ZWINT: variants seen among roughly 807,000 people sequenced by gnomAD.
ZWINT encodes the protein ZW10 interacting kinetochore protein.
ZWINT carries 41 observed loss-of-function variants against 41.5 expected under a neutral mutation model. The observed-to-expected ratio is 0.99, with a 90% CI of 0.77 to 1.28. The LOEUF is 1.28. ZWINT is among the 50% of genes most tolerant of loss of function. ZWINT has a pLI of 0.00. For missense variants in ZWINT, 369 were observed against 329.7 expected (o/e 1.12, Z -0.92); for synonymous variants, 132 against 126.8 (o/e 1.04, Z -0.28).
rs747952737 is a variant in ZWINT at position 56,361,148 on chromosome 10, G to C, written c.41+48C>G. 4.4e-6 allele frequency: 7 copies of C among 1,608,666 alleles called. 1 individual carries two copies. The South Asian group carries it at 4.4e-5, about 10-fold the overall frequency. ...AATCATTACACATAGGGGCCCACAA[G>C]GTCCTCCCAGGCCCGGCCCCAGCTG... is the stretch of plus-strand genomic sequence containing the variant. On this transcript the variant is annotated intron_variant, in intron 1 of 8. Coordinates refer to ENST00000373944, the MANE Select transcript of ZWINT (RefSeq NM_007057.4).
Position 56,357,729 on chromosome 10 carries a change from T to G in ZWINT, c.*498A>C. 4.1e-6 allele frequency: 1 copy of G among 241,022 alleles called. No individual in the cohort carries two copies. The highest frequency in any genetic ancestry group is 4.9e-5 in the South Asian group (1 of 20,450). The allele number at this position is 241,022 out of a possible 1,614,324, so 14.9% of individuals were successfully genotyped here. ...AAAAAGATACCAAGAATGTTAACAC[T>G]AGGCTGTACATCCTAAAACAGTCAG... On this transcript the variant is annotated 3_prime_UTR_variant, in exon 9 of 9. Transcript: ENST00000373944.
intron 1 of ZWINT, 119 bp from the exon 2 acceptor site, chr10:56,360,502 G>A (rs1432492134): frequency 1.2e-6 from 1 of 847,054 alleles, no homozygotes; most frequent in Non-Finnish European, 1.8e-6. Flanking sequence ...TGAGAGTCTT[G>A]CCTTGACCAG....
chr10:56,360,131 T>C lies in ZWINT; in HGVS notation c.143A>G (p.Lys48Arg). 1 of 1,614,092 alleles carries C rather than the reference T, an allele frequency of 6.2e-7. No homozygotes were observed. The highest frequency in any genetic ancestry group is 8.5e-7 in the Non-Finnish European group (1 of 1,180,046). ...ILVEFVVDSQKKDKLLCSQLQ... is the reference protein window; with the variant it reads ...ILVEFVVDSQRKDKLLCSQLQ... ...CTGGCTGCAGAGCAGCTTGTCTTTC[T>C]TCTGAGAGTCCTGCTCAGAGGGAGG... is the stretch of plus-strand genomic sequence containing the variant. Residue 48 changes from lysine to arginine, a missense_variant, in exon 3 of 9, where the codon AAG becomes AGG. Transcript: ENST00000373944.
intron 3 of ZWINT, 29 bp from the exon 4 acceptor site, chr10:56,359,882 TGA>T (rs1838280489): frequency 1.9e-6 from 3 of 1,610,626 alleles, no homozygotes; most frequent in Middle Eastern, 1.7e-4. Context: ...AATGAGTACA[TGA>T]GTGAGGGTGG....
rs892300649 is a variant in ZWINT, at chr10:56,357,785, G to C, written c.*442C>G. On this transcript the variant is annotated 3_prime_UTR_variant, in exon 9 of 9. Transcript: ENST00000373944. The stretch of plus-strand genomic sequence containing the variant: ...CTCACTGTTATAATTCTGGTTCACC[G>C]CAAGAACCTTAGCACAAAGAAAGGA... 1.2e-5 allele frequency: 4 copies of C among 329,480 alleles called. No homozygotes were observed. The highest frequency in any genetic ancestry group is 2.4e-5 in the Non-Finnish European group (4 of 169,024). 20.4% of individuals were successfully genotyped at this position (329,480 alleles called of 1,614,324 possible).
At position 56,358,821 on chromosome 10, in the gene ZWINT, G is replaced by A. The variant is rs146582472; in HGVS notation, c.607C>T (p.Arg203Trp). Residue 203 changes from arginine to tryptophan, a missense_variant, in exon 6 of 9, where the codon CGG (arginine) becomes TGG (tryptophan). Coordinates refer to ENST00000373944, the MANE Select transcript of ZWINT (RefSeq NM_007057.4). ...CGAACTTACCTCTGCAGCTTGTCCC[G>A]CTCCTGTTCTGCCTGCTGCTTCAGG... ...GNLKQQAEQERDKLQRYQTFL... is the reference protein window; with the variant it reads ...GNLKQQAEQEWDKLQRYQTFL... 573 of 1,613,982 alleles carry A rather than the reference G, an allele frequency of 3.6e-4. 1 individual carries two copies. In the African/African-American group the frequency reaches 6.2e-3, roughly 18 times the overall value.
Position 56,357,389 on chromosome 10 carries a change from T to C in ZWINT, c.*838A>G, listed in dbSNP as rs561644898. The C allele has an allele frequency of 2.6e-5, 4 of 152,228 alleles. No individual in the cohort carries two copies. Among genetic ancestry groups the C allele is most frequent in the African/African-American group, 7.2e-5 (3 of 41,542 alleles). The allele number at this position is 152,228 out of a possible 1,614,324, so 9.4% of individuals were successfully genotyped here. A position where few individuals can be genotyped will look rare whatever the true frequency, so the allele number is the denominator to read the frequency against. On this transcript the variant is annotated 3_prime_UTR_variant, in exon 9 of 9. Coordinates refer to ENST00000373944, the MANE Select transcript of ZWINT (RefSeq NM_007057.4). ...TCAATGAAATAATTATAACAGAATATAGGAAATGCTATGAATTGAATGATT... is the reference window on the plus strand; with the variant it reads ...TCAATGAAATAATTATAACAGAATACAGGAAATGCTATGAATTGAATGATT...
intron 1 of ZWINT, among the ~76,000 whole-genome samples, chr10:56,360,708 G>A (rs2132106037): frequency 6.6e-6 from 1 of 152,356 alleles, no homozygotes; most frequent in Non-Finnish European, 1.5e-5. Context: ...AAGGAAGCCA[G>A]GGAGATATGC....
chr10:56,361,058 G>T, intron 1 of ZWINT, 138 bp downstream of exon 1: 2 of 905,870 alleles, frequency 2.2e-6, no homozygotes, highest in South Asian at 3.3e-5. Context: ...CCTAAGACGG[G>T]ACTGCGGTGA....
rs1375165802 is a variant in ZWINT, at chr10:56,358,656, T to A, written c.692A>T (p.Glu231Val). The A allele has an allele frequency of 6.2e-7, 1 of 1,613,684 alleles. No homozygotes were observed. The highest frequency in any genetic ancestry group is 1.1e-5 in the South Asian group (1 of 91,046). Reference sequence around the variant, plus strand: ...TTTATCATCTGGAAGATTCTCTGCCTCAGCCTCAGCCTCAGGGAACAACAG... The same window carrying A: ...TTTATCATCTGGAAGATTCTCTGCCACAGCCTCAGCCTCAGGGAACAACAG... ...GKLLFPEAEAEAENLPDDKPQ... is the reference protein window; with the variant it reads ...GKLLFPEAEAVAENLPDDKPQ... Residue 231 changes from glutamate (E) to valine (V), a missense_variant, in exon 7 of 9, where the codon GAG (glutamate) becomes GTG (valine). Transcript: ENST00000373944.
intron 1 of ZWINT, among the ~76,000 whole-genome samples, chr10:56,360,855 A>G (rs1838315381): frequency 6.6e-6 from 1 of 152,224 alleles, no homozygotes. Flanking sequence ...GTTTTTCATT[A>G]TTAGGGACTG....
intron 1 of ZWINT, 85 bp downstream of exon 1, chr10:56,361,111 G>A: frequency 6.7e-7 from 1 of 1,485,096 alleles, no homozygotes; most frequent in South Asian, 1.2e-5. Context: ...GCTGTACAGG[G>A]TCGAGGGCAC....
chr10:56,361,104 G>A, intron 1 of ZWINT, 92 bp downstream of exon 1: 15 of 1,440,710 alleles, frequency 1.0e-5, no homozygotes, highest in Admixed American at 1.9e-5. Flanking sequence ...CTCAACAGCT[G>A]TACAGGGTCG....
At chr10:56,359,393 A>G (rs1838260695) in intron 5 of ZWINT, 83 bp downstream of exon 5, 23 of 1,370,518 alleles carry the variant, frequency 1.7e-5, no homozygotes, top group Middle Eastern at 3.8e-4. Flanking sequence ...AGGAGGAAGC[A>G]AAACGGTTTT....
chr10:56,360,167 G>T, intron 2 of ZWINT, 26 bp from the exon 3 acceptor site: 1 of 1,613,348 alleles, frequency 6.2e-7, no homozygotes. Context: ...GCAGAGACAG[G>T]GAACATCCTT....
chr10:56,358,939 A>C lies in ZWINT; in HGVS notation c.489T>G (p.His163Gln), dbSNP rs149226838. Residue 163 changes from histidine (H) to glutamine (Q), a missense_variant, in exon 6 of 9, where the codon CAT (histidine) becomes CAG (glutamine). Physicochemically the swap from His to Gln is conservative, Grantham distance 24. Coordinates refer to ENST00000373944, the MANE Select transcript of ZWINT (RefSeq NM_007057.4). ...CAGAAACCTCCGCCAGATGCTGCAG[A>C]TGCTTCTCCTGCCAGGAGTGAGCAT... ...QNQWQLQQEKHLQHLAEVSAE... is the reference protein window; with the variant it reads ...QNQWQLQQEKQLQHLAEVSAE... 135 of 1,613,924 alleles carry C rather than the reference A, an allele frequency of 8.4e-5. No individual in the cohort carries two copies. Among genetic ancestry groups the C allele is most frequent in the Non-Finnish European group, 1.1e-4 (130 of 1,179,996 alleles).
chr10:56,361,070 G>C, intron 1 of ZWINT, 126 bp downstream of exon 1: 1 of 1,036,082 alleles, frequency 9.7e-7, no homozygotes, highest in Non-Finnish European at 1.4e-6. Flanking sequence ...CTGCGGTGAG[G>C]ATCACTTCAC....
rs746882433 is a variant in ZWINT, at chr10:56,357,328, T to C, written c.*899A>G. On this transcript the variant is annotated 3_prime_UTR_variant, in exon 9 of 9. Transcript: ENST00000373944. ...ACTTAGATTATCTTCTCACAATCAA[T>C]AGAAGACCAAATTATTTTTCAAAGA... The C allele has an allele frequency of 1.3e-5, 2 of 152,042 alleles. No homozygotes were observed. Among genetic ancestry groups the C allele is most frequent in the Non-Finnish European group, 2.9e-5 (2 of 67,966 alleles). 9.4% of individuals were successfully genotyped at this position (152,042 alleles called of 1,614,324 possible). A position where few individuals can be genotyped will look rare whatever the true frequency, so the allele number is the denominator to read the frequency against.
At chr10:56,359,990 C>T (rs1428400674) in intron 3 of ZWINT, 28 bp downstream of exon 3, 1 of 1,612,402 alleles carries the variant, frequency 6.2e-7, no homozygotes, top group Non-Finnish European at 8.5e-7. Context: ...CTCAGGTCAG[C>T]TGCTACTACA....
Sources: allele counts gnomAD v4.1 joint callset (sites outside exome capture counted in the v4.1 genomes callset), GRCh38; gene constraint gnomAD v4.1.1; transcripts MANE v1.5; gene names NCBI Gene and HGNC (gene_info 2026-07-23, HGNC 2026-07-21).